The following ADIPOR2 variants were observed in gnomAD, a reference collection of about 807,000 sequenced individuals.
The protein encoded by ADIPOR2 is adiponectin receptor protein 2.
ADIPOR2 carries 18 observed loss-of-function variants against 40.9 expected under a neutral mutation model. The observed-to-expected ratio is 0.44, with a 90% CI of 0.30 to 0.65. ADIPOR2 has a LOEUF of 0.65. ADIPOR2 is among the 30% of genes least tolerant of loss of function. The pLI is 0.09. For missense variants in ADIPOR2, 283 were observed against 479.2 expected, an observed-to-expected ratio of 0.59 and a Z score of 3.82; for synonymous variants, 165 against 166.4, an observed-to-expected ratio of 0.99 and a Z score of 0.06.
intron 1 of ADIPOR2, among the ~76,000 whole-genome samples, 190 bp from the exon 2 acceptor site, chr12:1,754,068 C>T (rs1862060424): frequency 1.3e-5 from 2 of 151,126 alleles, no homozygotes; most frequent in South Asian, 4.1e-4. Flanking sequence ...TTCATGTTGT[C>T]TTGTATCCTG....
At chr12:1,725,120 ACTTT>A (rs1031192959) in intron 1 of ADIPOR2, among the ~76,000 whole-genome samples, 3 of 92,356 alleles carry the variant, frequency 3.2e-5, no homozygotes, top group African/African-American at 1.1e-4. Flanking sequence ...AATACCGCAA[ACTTT>A]CTTTTTTTTT....
At chr12:1,694,420 A>G (rs532309035) in intron 1 of ADIPOR2, among the ~76,000 whole-genome samples, 1 of 152,362 alleles carries the variant, frequency 6.6e-6, no homozygotes, top group East Asian at 1.9e-4. Flanking sequence ...TAGTATTTGC[A>G]TATAACCTGT....
At chr12:1,732,556 C>T (rs1160835842) in intron 1 of ADIPOR2, among the ~76,000 whole-genome samples, 1 of 152,150 alleles carries the variant, frequency 6.6e-6, no homozygotes, top group African/African-American at 2.4e-5. Context: ...TATTCATTGA[C>T]CTATTAAAGA....
intron 7 of ADIPOR2, 124 bp downstream of exon 7, chr12:1,784,197 C>T: frequency 9.4e-7 from 1 of 1,061,884 alleles, no homozygotes; most frequent in Non-Finnish European, 1.3e-6. Flanking sequence ...GGTCCTAACT[C>T]CCTATTGAGC....
At chr12:1,714,243 C>G (rs1305749867) in intron 1 of ADIPOR2, among the ~76,000 whole-genome samples, 1 of 152,124 alleles carries the variant, frequency 6.6e-6, no homozygotes, top group East Asian at 1.9e-4. Context: ...GTCTGTTTGT[C>G]TGAGGGCCAT....
intron 1 of ADIPOR2, among the ~76,000 whole-genome samples, chr12:1,713,197 C>T (rs895338921): frequency 6.6e-6 from 1 of 152,086 alleles, no homozygotes; most frequent in African/African-American, 2.4e-5. Flanking sequence ...CAGGGGAATA[C>T]AGAAGAAGGC....
At chr12:1,764,431 AAAG>A (rs1282677335) in intron 2 of ADIPOR2, among the ~76,000 whole-genome samples, 4 of 152,098 alleles carry the variant, frequency 2.6e-5, no homozygotes, top group Non-Finnish European at 5.9e-5. Context: ...TAAAAGGAAA[AAAG>A]CAGGGTTTTG....
chr12:1,749,658 A>G (rs1330356695), intron 1 of ADIPOR2, among the ~76,000 whole-genome samples: 1 of 152,094 alleles, frequency 6.6e-6, no homozygotes, highest in Non-Finnish European at 1.5e-5. Flanking sequence ...TGTTTTAGCT[A>G]TTTTGGAGCT....
At chr12:1,715,970 G>A (rs760688779) in intron 1 of ADIPOR2, among the ~76,000 whole-genome samples, 14 of 152,034 alleles carry the variant, frequency 9.2e-5, no homozygotes, top group Non-Finnish European at 1.3e-4. Context: ...CAACCTGGTC[G>A]GGTCTCCTTC....
chr12:1,720,226 C>G (rs1243603068), intron 1 of ADIPOR2, among the ~76,000 whole-genome samples: 2 of 152,028 alleles, frequency 1.3e-5, no homozygotes, highest in Non-Finnish European at 2.9e-5. Context: ...ATAGTAGTTT[C>G]CTGTTGACTT....
intron 1 of ADIPOR2, among the ~76,000 whole-genome samples, chr12:1,729,646 GT>G (rs58714863): frequency 4.2e-4 from 50 of 118,024 alleles, no homozygotes; most frequent in African/African-American, 1.5e-3. Flanking sequence ...TTTTTTGAGT[GT>G]TTTTTTTTGA....
rs752781100 is a variant in ADIPOR2 at position 1,754,423 on chromosome 12, T to A, written c.80T>A (p.Leu27Gln). 7 of 1,613,650 alleles carry A rather than the reference T, an allele frequency of 4.3e-6. No homozygotes were observed. The Admixed American group carries it at 1.2e-4, about 27-fold the overall frequency. The change falls in exon 2 of 8, where the codon CTG (leucine) becomes CAG (glutamine). Residue 27 changes from leucine to glutamine, a missense_variant. Coordinates refer to ENST00000357103, the MANE Select transcript of ADIPOR2 (RefSeq NM_024551.3). ...PDIRLRKGHQ[L>Q]DGTRRGDNDS... is the part of the protein sequence containing the mutation. Reference sequence around the variant, plus strand: ...ATAAGGCTCAGAAAAGGGCACCAACTGGATGGTACACGAAGAGGTGATAAT... The same window carrying A: ...ATAAGGCTCAGAAAAGGGCACCAACAGGATGGTACACGAAGAGGTGATAAT...
chr12:1,785,052 T>TG (rs1565661043), intron 7 of ADIPOR2, among the ~76,000 whole-genome samples: 1 of 152,220 alleles, frequency 6.6e-6, no homozygotes, highest in Non-Finnish European at 1.5e-5. Flanking sequence ...CCCCTTTCTT[T>TG]GGGGGAAATT....
chr12:1,692,538 C>T (rs1423564222), intron 1 of ADIPOR2, among the ~76,000 whole-genome samples: 1 of 152,170 alleles, frequency 6.6e-6, no homozygotes, highest in Non-Finnish European at 1.5e-5. Flanking sequence ...AACTGTCTGT[C>T]CTCCAGTATA....
chr12:1,709,877 G>A (rs1040986493), intron 1 of ADIPOR2, among the ~76,000 whole-genome samples: 13 of 152,164 alleles, frequency 8.5e-5, no homozygotes, highest in South Asian at 4.1e-4. Context: ...TGTGTATACC[G>A]TCAGATGATT....
chr12:1,706,219 A>G (rs1461195243), intron 1 of ADIPOR2, among the ~76,000 whole-genome samples: 2 of 152,182 alleles, frequency 1.3e-5, no homozygotes, highest in African/African-American at 4.8e-5. Context: ...CAGTCTTCTC[A>G]TTGGTAAGTA....
At chr12:1,714,111 C>T (rs907189637) in intron 1 of ADIPOR2, among the ~76,000 whole-genome samples, 9 of 151,942 alleles carry the variant, frequency 5.9e-5, no homozygotes, top group African/African-American at 9.7e-5. Flanking sequence ...TGGACATGGG[C>T]GAGGGGGCAG....
intron 2 of ADIPOR2, among the ~76,000 whole-genome samples, chr12:1,760,156 G>A (rs939932167): frequency 7.9e-5 from 12 of 152,018 alleles, no homozygotes; most frequent in Non-Finnish European, 1.8e-4. Context: ...TTTTAAATAA[G>A]TATTTTATTT....
At chr12:1,694,173 T>C (rs2094633210) in intron 1 of ADIPOR2, among the ~76,000 whole-genome samples, 1 of 152,224 alleles carries the variant, frequency 6.6e-6, no homozygotes, top group South Asian at 2.1e-4. Flanking sequence ...AAGTAACTGT[T>C]GGAAGTTTAT....
Sources: gnomAD v4.1 joint callset for allele counts (sites outside exome capture counted in the v4.1 genomes callset) on GRCh38, gnomAD v4.1.1 for gene constraint, MANE v1.5 for transcripts, NCBI Gene and HGNC (gene_info 2026-07-23, HGNC 2026-07-21) for gene names.